The following SERP1 variants were observed in gnomAD, a reference collection of about 807,000 sequenced individuals.
SERP1 encodes the protein stress-associated endoplasmic reticulum protein 1.
Under a neutral mutation model 8.8 loss-of-function variants are expected in SERP1, and 6 were observed. The observed-to-expected ratio is 0.68, with a 90% CI of 0.37 to 1.35. The LOEUF is 1.35. Ranked by LOEUF, SERP1 falls within the 40% of genes most tolerant of loss-of-function variation. The pLI is 0.02. For synonymous variants in SERP1, 36 were observed against 28.7 expected (o/e 1.25, Z -0.81); for missense variants, 52 against 86.2 (o/e 0.60, Z 1.57).
rs1184197052 is a variant in SERP1 at position 150,544,010 on chromosome 3, C to CT, written c.*447dup. The CT allele has an allele frequency of 6.5e-6, 1 of 155,038 alleles. No individual in the cohort carries two copies. Among genetic ancestry groups the CT allele is most frequent in the Non-Finnish European group, 1.4e-5 (1 of 69,728 alleles). 9.6% of individuals were successfully genotyped at this position (155,038 alleles called of 1,614,324 possible). A position where few individuals can be genotyped will look rare whatever the true frequency, so the allele number is the denominator to read the frequency against. On this transcript the variant is annotated 3_prime_UTR_variant, in exon 3 of 3. Coordinates refer to ENST00000239944, the MANE Select transcript of SERP1 (RefSeq NM_014445.4). ...TTACATGAACCTATAAGGGAGTGTGCTTTCAGTTCAAAAGAGTAATAAAGT... is the reference window on the plus strand; with the variant it reads ...TTACATGAACCTATAAGGGAGTGTGCTTTTCAGTTCAAAAGAGTAATAAAGT...
Position 150,542,252 on chromosome 3 carries a change from G to C in SERP1, c.*2206C>G, listed in dbSNP as rs1722890712. The C allele has an allele frequency of 1.3e-5, 2 of 152,170 alleles. No homozygotes were observed. Among genetic ancestry groups the C allele is most frequent in the South Asian group, 4.1e-4 (2 of 4,832 alleles). 9.4% of individuals were successfully genotyped at this position (152,170 alleles called of 1,614,324 possible). On this transcript the variant is annotated 3_prime_UTR_variant, in exon 3 of 3. Transcript: ENST00000239944. ...TGATCTATAAAATTCAACTGGCAAA[G>C]GGAGATCAAAGAATTGTGCTTCATC...
At chr3:150,546,007 C>T in intron 1 of SERP1, 45 bp downstream of exon 1, 1 of 1,609,064 alleles carries the variant, frequency 6.2e-7, no homozygotes, top group Non-Finnish European at 8.5e-7. Context: ...GACCCGGACT[C>T]AGCTCCGGCT....
chr3:150,543,770 GT>G lies in SERP1; in HGVS notation c.*687del, dbSNP rs3836398. On this transcript the variant is annotated 3_prime_UTR_variant, in exon 3 of 3. Transcript: ENST00000239944. ...ACTGATTAAGTCAGAAAACGATCAA[GT>G]TTTTTTTTTATGGCATCTTGGGTTA... is the stretch of plus-strand genomic sequence containing the variant. 124,119 of 151,586 alleles carry G rather than the reference GT, an allele frequency of 0.82. 51,324 individuals are homozygous for G. The highest frequency in any genetic ancestry group is 0.91 in the East Asian group (4,706 of 5,176). The allele number at this position is 151,586 out of a possible 1,614,324, so 9.4% of individuals were successfully genotyped here.
Position 150,546,400 on chromosome 3 carries a change from G to A in SERP1, c.-265C>T. ...CTGGCCGCCGGGTCGTTCTCGCGCC[G>A]CCGTCGCCGCCGCTTTGGCCGCCGC... On this transcript the variant is annotated 5_prime_UTR_variant, in exon 1 of 3. Coordinates refer to ENST00000239944, the MANE Select transcript of SERP1 (RefSeq NM_014445.4). The A allele has an allele frequency of 5.4e-6, 3 of 556,802 alleles. No individual in the cohort carries two copies. The highest frequency in any genetic ancestry group is 4.5e-5 in the South Asian group (2 of 43,978). 34.5% of individuals were successfully genotyped at this position (556,802 alleles called of 1,614,324 possible). A position where few individuals can be genotyped will look rare whatever the true frequency, so the allele number is the denominator to read the frequency against.
Position 150,545,702 on chromosome 3 carries a change from C to T in SERP1, c.160+1G>A, listed in dbSNP as rs1459088030. The T allele has an allele frequency of 6.2e-7, 1 of 1,605,070 alleles. No individual in the cohort carries two copies. Among genetic ancestry groups the T allele is most frequent in the Non-Finnish European group, 8.5e-7 (1 of 1,174,934 alleles). ...CTGATGGGAGCCCCCAAGCCACTTACCAGAACCACAGACAACAAAAATGAA... is the reference window on the plus strand; with the variant it reads ...CTGATGGGAGCCCCCAAGCCACTTATCAGAACCACAGACAACAAAAATGAA... On this transcript the variant is annotated splice_donor_variant, in intron 2 of 2. Transcript: ENST00000239944. LOFTEE classifies it high-confidence loss of function.
At position 150,544,413 on chromosome 3, in the gene SERP1, A is replaced by C; in HGVS notation, c.*45T>G. ...GTATCAAACATCAGGAATGAGTTCA[A>C]GTTAAAATTCACAGGAGAATGGAAA... On this transcript the variant is annotated 3_prime_UTR_variant, in exon 3 of 3. Coordinates refer to ENST00000239944, the MANE Select transcript of SERP1 (RefSeq NM_014445.4). 6.4e-7 allele frequency: 1 copy of C among 1,558,318 alleles called. No homozygotes were observed. Among genetic ancestry groups the C allele is most frequent in the South Asian group, 1.1e-5 (1 of 89,916 alleles).
In SERP1 at chr3:150,545,756, G is replaced by T; in HGVS notation, c.107C>A (p.Ala36Glu). The T allele has an allele frequency of 6.2e-7, 1 of 1,608,668 alleles. No homozygotes were observed. The highest frequency in any genetic ancestry group is 8.5e-7 in the Non-Finnish European group (1 of 1,177,060). ...AGCCAATAACCAGGGTCCTACAGAC[G>T]CCTTCTCTTCGGGGGCATTTCTCTG... ...KTSRNAPEEK[A>E]SVGPWLLALF... The change falls in exon 2 of 3, where the codon GCG becomes GAG. Residue 36 changes from alanine to glutamate, a missense_variant. Transcript: ENST00000239944.
chr3:150,546,341 G>A lies in SERP1; in HGVS notation c.-206C>T, dbSNP rs535656712. The stretch of plus-strand genomic sequence containing the variant: ...GCCGGGCGCCGGCCGCCGACTGACT[G>A]ACCGAGCGGGGCAGGTGCGCAGGAG... On this transcript the variant is annotated 5_prime_UTR_variant, in exon 1 of 3. Coordinates refer to ENST00000239944, the MANE Select transcript of SERP1 (RefSeq NM_014445.4). The A allele has an allele frequency of 3.6e-4, 217 of 596,710 alleles. 2 individuals are homozygous for A. In the African/African-American group the frequency reaches 4.1e-3, roughly 11 times the overall value. 37.0% of individuals were successfully genotyped at this position (596,710 alleles called of 1,614,324 possible). A position where few individuals can be genotyped will look rare whatever the true frequency, so the allele number is the denominator to read the frequency against.
At position 150,544,895 on chromosome 3, in the gene SERP1, T is replaced by C. The variant is rs1436588141; in HGVS notation, c.161-397A>G. Among the ~76,000 whole-genome samples the C allele has an allele frequency of 3.3e-5, 5 of 152,222 alleles. No individual in the cohort carries two copies. In the East Asian group the frequency reaches 7.7e-4, roughly 23 times the overall value. On this transcript the variant is annotated intron_variant, in intron 2 of 2. Coordinates refer to ENST00000239944, the MANE Select transcript of SERP1 (RefSeq NM_014445.4). ...CTCACAAAGCTGAAATTCAATCATC[T>C]TCAGGTTATATAAACTGCTTGGCTC... is the stretch of plus-strand genomic sequence containing the variant.
In SERP1 at chr3:150,543,592, T is replaced by C. The variant is rs1233915418; in HGVS notation, c.*866A>G. 1.3e-5 allele frequency: 2 copies of C among 152,632 alleles called. No individual in the cohort carries two copies. Among genetic ancestry groups the C allele is most frequent in the African/African-American group, 4.8e-5 (2 of 41,468 alleles). 9.5% of individuals were successfully genotyped at this position (152,632 alleles called of 1,614,324 possible). ...CTCAACAGCATGTTCTGATGAGGCA[T>C]CCATTTTTAGCAGTATTTTTCCCTA... On this transcript the variant is annotated 3_prime_UTR_variant, in exon 3 of 3. Coordinates refer to ENST00000239944, the MANE Select transcript of SERP1 (RefSeq NM_014445.4).
At chr3:150,544,948 T>C (rs1192027437) in intron 2 of SERP1, among the ~76,000 whole-genome samples, 2 of 152,228 alleles carry the variant, frequency 1.3e-5, no homozygotes, top group East Asian at 1.9e-4. Context: ...AAGCTTCCAA[T>C]TGGTAAGTGA....
intron 2 of SERP1, 88 bp from the exon 3 acceptor site, chr3:150,544,586 T>A (rs1235697170): frequency 1.9e-6 from 2 of 1,071,802 alleles, no homozygotes; most frequent in Admixed American, 3.9e-5. Flanking sequence ...AGCTGAAGAA[T>A]CCAAAGGTAC....
Position 150,544,088 on chromosome 3 carries a change from A to T in SERP1, c.*370T>A. The T allele has an allele frequency of 5.3e-6, 1 of 190,444 alleles. No homozygotes were observed. The highest frequency in any genetic ancestry group is 1.1e-5 in the Non-Finnish European group (1 of 92,794). The allele number at this position is 190,444 out of a possible 1,614,324, so 11.8% of individuals were successfully genotyped here. A position where few individuals can be genotyped will look rare whatever the true frequency, so the allele number is the denominator to read the frequency against. ...TCAAATTGTAATTTAAGCTAACTGC[A>T]GTTATACATTTGGGTTAACAAAATC... On this transcript the variant is annotated 3_prime_UTR_variant, in exon 3 of 3. Coordinates refer to ENST00000239944, the MANE Select transcript of SERP1 (RefSeq NM_014445.4).
chr3:150,545,768 G>T lies in SERP1; in HGVS notation c.95C>A (p.Pro32His). ...GGGTCCTACAGACGCCTTCTCTTCG[G>T]GGGCATTTCTCTGCAAAAGCGAAAA... ...GNVAKTSRNAPEEKASVGPWL... is the reference protein window; with the variant it reads ...GNVAKTSRNAHEEKASVGPWL... Residue 32 changes from proline (P) to histidine (H), a missense_variant, in exon 2 of 3, where the codon CCC becomes CAC. Physicochemically the swap from Pro to His is moderately conservative, Grantham distance 77. Coordinates refer to ENST00000239944, the MANE Select transcript of SERP1 (RefSeq NM_014445.4). The T allele has an allele frequency of 1.9e-6, 3 of 1,606,842 alleles. No homozygotes were observed. Among genetic ancestry groups the T allele is most frequent in the Non-Finnish European group, 2.6e-6 (3 of 1,176,038 alleles).
intron 2 of SERP1, chr3:150,545,352 A>G: frequency 2.5e-6 from 1 of 397,914 alleles, no homozygotes; most frequent in Non-Finnish European, 4.5e-6. Flanking sequence ...TATAGTACAT[A>G]TTTATAATTT....
rs146968610 is a variant in SERP1 at position 150,544,169 on chromosome 3, T to TA, written c.*288dup. On this transcript the variant is annotated 3_prime_UTR_variant, in exon 3 of 3. Coordinates refer to ENST00000239944, the MANE Select transcript of SERP1 (RefSeq NM_014445.4). ...TGTTCATACTGTTTTAATAACCACATAAAAAAACTTACTCTTAATTGACTG... is the reference window on the plus strand; with the variant it reads ...TGTTCATACTGTTTTAATAACCACATAAAAAAAACTTACTCTTAATTGACTG... 153 of 347,322 alleles carry TA rather than the reference T, an allele frequency of 4.4e-4. No individual in the cohort carries two copies. The highest frequency in any genetic ancestry group is 2.9e-3 in the African/African-American group (139 of 47,502). The allele number at this position is 347,322 out of a possible 1,614,324, so 21.5% of individuals were successfully genotyped here.
chr3:150,546,207 G>A lies in SERP1; in HGVS notation c.-72C>T, dbSNP rs1169971037. 1 of 1,534,148 alleles carries A rather than the reference G, an allele frequency of 6.5e-7. No homozygotes were observed. ...CTCGCCTGCCTCCTCTGGAGCCGCT[G>A]CGAGGCTCGGCTCGTGGTGCCCGCG... On this transcript the variant is annotated 5_prime_UTR_variant, in exon 1 of 3. Coordinates refer to ENST00000239944, the MANE Select transcript of SERP1 (RefSeq NM_014445.4).
rs1722933481 is a variant in SERP1 at position 150,544,284 on chromosome 3, A to G, written c.*174T>C. The G allele has an allele frequency of 1.6e-6, 1 of 628,984 alleles. No homozygotes were observed. 39.0% of individuals were successfully genotyped at this position (628,984 alleles called of 1,614,324 possible). The stretch of plus-strand genomic sequence containing the variant: ...TTTGCAAGGCACTGTGGTATGGACT[A>G]GAAAACTTGGAATGACTCATGAAGA... On this transcript the variant is annotated 3_prime_UTR_variant, in exon 3 of 3. Transcript: ENST00000239944.
chr3:150,546,193 C>A lies in SERP1; in HGVS notation c.-58G>T, dbSNP rs1723009011. On this transcript the variant is annotated 5_prime_UTR_variant, in exon 1 of 3. Transcript: ENST00000239944. The stretch of plus-strand genomic sequence containing the variant: ...CTCGGACTCGCTCACTCGCCTGCCT[C>A]CTCTGGAGCCGCTGCGAGGCTCGGC... 28 of 1,579,530 alleles carry A rather than the reference C, an allele frequency of 1.8e-5. No individual in the cohort carries two copies. The highest frequency in any genetic ancestry group is 3.3e-5 in the South Asian group (3 of 90,536).
Sources: allele counts gnomAD v4.1 joint callset (sites outside exome capture counted in the v4.1 genomes callset), GRCh38; gene constraint gnomAD v4.1.1; transcripts MANE v1.5; gene names NCBI Gene and HGNC (gene_info 2026-07-23, HGNC 2026-07-21).